HERC4: variants seen among roughly 807,000 people sequenced by gnomAD.
HERC4 encodes the protein probable E3 ubiquitin-protein ligase HERC4.
HERC4 carries 28 observed loss-of-function variants against 124.3 expected under a neutral mutation model. That is an observed-to-expected ratio of 0.23 (90% confidence interval 0.17 to 0.31). The LOEUF is 0.31. Among genes scored for constraint, HERC4 ranks in the 10% least tolerant of loss-of-function variants. The pLI is 1.00. For synonymous variants in HERC4, 407 were observed against 421.5 expected, an observed-to-expected ratio of 0.97 and a Z score of 0.42; for missense variants, 713 against 1,229.3, an observed-to-expected ratio of 0.58 and a Z score of 6.28.
intron 3 of HERC4, among the ~76,000 whole-genome samples, chr10:68,061,277 T>C (rs752175825): frequency 2.0e-5 from 3 of 152,044 alleles, no homozygotes; most frequent in Admixed American, 6.6e-5. Flanking sequence ...TAATTAAGAA[T>C]AGGTTTGACA....
intron 23 of HERC4, 49 bp downstream of exon 23, chr10:67,932,538 CAAGATTTCCA>C: frequency 2.8e-6 from 4 of 1,443,428 alleles, no homozygotes; most frequent in Non-Finnish European, 3.8e-6. Context: ...CATAAAAAGG[CAAGATTTCCA>C]TATATAAATC....
chr10:68,018,487 G>A (rs183826172), intron 8 of HERC4, among the ~76,000 whole-genome samples: 7 of 152,174 alleles, frequency 4.6e-5, no homozygotes, highest in Admixed American at 3.9e-4. Flanking sequence ...CATTATAATG[G>A]TGTCCTAAAC....
intron 3 of HERC4, among the ~76,000 whole-genome samples, chr10:68,059,522 A>ATT (rs2040753608): frequency 5.0e-5 from 4 of 80,664 alleles, no homozygotes; most frequent in Admixed American, 1.7e-4. Context: ...TATATATCAT[A>ATT]ATAATATTAT....
Position 67,940,947 on chromosome 10 carries a change from A to G in HERC4, c.2496T>C (p.Asp832=). 1.9e-6 allele frequency: 3 copies of G among 1,609,744 alleles called. No homozygotes were observed. The highest frequency in any genetic ancestry group is 1.1e-5 in the South Asian group (1 of 89,434). Reference sequence around the variant, plus strand: ...TTTTTTTTCCAACTAACCTCCCAACATCAGGCATTAGTTCTTTCAAATCAT... The same window carrying G: ...TTTTTTTTCCAACTAACCTCCCAACGTCAGGCATTAGTTCTTTCAAATCAT... ...SLDDLKELMP[D]VGRSMQQLLD... Residue 832 remains aspartate (D), a synonymous_variant, in exon 20 of 25, where the codon GAT becomes GAC. Transcript: ENST00000373700.
At position 68,014,108 on chromosome 10, in the gene HERC4, G is replaced by T. The variant is rs368232102; in HGVS notation, c.987C>A (p.Thr329=). 10 of 1,613,466 alleles carry T rather than the reference G, an allele frequency of 6.2e-6. No individual in the cohort carries two copies. Among genetic ancestry groups the T allele is most frequent in the Non-Finnish European group, 8.5e-6 (10 of 1,179,760 alleles). The change falls in exon 9 of 25, where the codon ACC becomes ACA. Residue 329 remains threonine, a synonymous_variant. Coordinates refer to ENST00000373700, the MANE Select transcript of HERC4 (RefSeq NM_015601.4). ...GGCTTTTCCTGTTGCTTGTTGAACC[G>T]GTTCCCAGCTGCCCATTACCACCAA... ...FGLGGNGQLG[T]GSTSNRKSPF...
chr10:67,931,560 G>C (rs2031812824), intron 23 of HERC4, among the ~76,000 whole-genome samples: 1 of 151,928 alleles, frequency 6.6e-6, no homozygotes, highest in South Asian at 2.1e-4. Flanking sequence ...AAGTAGCTGG[G>C]ATTACAGGTG....
intron 9 of HERC4, among the ~76,000 whole-genome samples, chr10:68,002,598 ACT>A (rs2037296809): frequency 7.5e-6 from 1 of 133,260 alleles, no homozygotes; most frequent in African/African-American, 2.5e-5. Flanking sequence ...TTAAATTTTT[ACT>A]TTTTTTTTTT....
At position 67,940,877 on chromosome 10, in the gene HERC4, G is replaced by A; in HGVS notation, c.2504+62C>T. 15 of 1,366,782 alleles carry A rather than the reference G, an allele frequency of 1.1e-5. No homozygotes were observed. In the South Asian group the frequency reaches 2.1e-4, roughly 19 times the overall value. 84.7% of individuals were successfully genotyped at this position (1,366,782 alleles called of 1,614,324 possible). ...TTTTTTCATAGAAGGAAAGCTTTCT[G>A]TACCTTCCCCACTTTTTACCTCCCA... is the stretch of plus-strand genomic sequence containing the variant. On this transcript the variant is annotated intron_variant, in intron 20 of 24. Transcript: ENST00000373700.
intron 21 of HERC4, among the ~76,000 whole-genome samples, chr10:67,938,351 G>A (rs1564928149): frequency 6.6e-6 from 1 of 150,980 alleles, no homozygotes; most frequent in Non-Finnish European, 1.5e-5. Context: ...TGAGGCAGGA[G>A]AATTGCTTGA....
chr10:68,010,710 G>T, intron 9 of HERC4: 1 of 1,484,054 alleles, frequency 6.7e-7, no homozygotes, highest in East Asian at 2.3e-5. Flanking sequence ...AAGCTAAGCT[G>T]TTGAGCCTCA....
intron 3 of HERC4, among the ~76,000 whole-genome samples, chr10:68,065,871 CAATAA>C (rs2041275158): frequency 6.6e-6 from 1 of 151,784 alleles, no homozygotes; most frequent in Non-Finnish European, 1.5e-5. Context: ...AACAAAACTC[CAATAA>C]AATGTCTGTA....
intron 15 of HERC4, among the ~76,000 whole-genome samples, chr10:67,982,679 TG>T (rs2036002652): frequency 6.6e-6 from 1 of 151,962 alleles, no homozygotes; most frequent in Non-Finnish European, 1.5e-5. Context: ...ACAAACAGAA[TG>T]GGAGGAAATA....
intron 23 of HERC4, among the ~76,000 whole-genome samples, chr10:67,931,301 G>A (rs2031780094): frequency 6.6e-6 from 1 of 151,896 alleles, no homozygotes; most frequent in Non-Finnish European, 1.5e-5. Context: ...TCTATTAAAT[G>A]TTTATCAGAA....
chr10:68,010,500 T>C, intron 9 of HERC4: 1 of 963,430 alleles, frequency 1.0e-6, no homozygotes, highest in South Asian at 1.4e-5. Context: ...CCCAAGCTGC[T>C]GGGCAATGTG....
intron 3 of HERC4, among the ~76,000 whole-genome samples, chr10:68,063,398 C>CG (rs1430219123): frequency 3.9e-5 from 6 of 151,920 alleles, no homozygotes; most frequent in African/African-American, 7.3e-5. Flanking sequence ...TTAGTAGAGA[C>CG]GGGGTCTCAC....
At chr10:68,053,395 C>T (rs1235777674) in intron 3 of HERC4, among the ~76,000 whole-genome samples, 1 of 151,844 alleles carries the variant, frequency 6.6e-6, no homozygotes, top group Admixed American at 6.6e-5. Context: ...CAGCAACCTC[C>T]CAGGCTCAGG....
At chr10:67,949,345 T>A (rs989535224) in intron 19 of HERC4, among the ~76,000 whole-genome samples, 2 of 151,910 alleles carry the variant, frequency 1.3e-5, no homozygotes, top group African/African-American at 4.8e-5. Context: ...AGGATCAGAT[T>A]CTACCAAACA....
chr10:67,978,745 C>T (rs148452741), intron 15 of HERC4, among the ~76,000 whole-genome samples: 1 of 152,318 alleles, frequency 6.6e-6, no homozygotes, highest in East Asian at 1.9e-4. Context: ...GCTTGTGTCA[C>T]TCCACCCCCA....
intron 8 of HERC4, among the ~76,000 whole-genome samples, chr10:68,018,673 T>A (rs1316397992): frequency 6.6e-6 from 1 of 152,154 alleles, no homozygotes; most frequent in East Asian, 1.9e-4. Flanking sequence ...TGCCAGTGAT[T>A]CCTCAGAAAG....
Sources: gnomAD v4.1 joint callset for allele counts (sites outside exome capture counted in the v4.1 genomes callset) on GRCh38, gnomAD v4.1.1 for gene constraint, MANE v1.5 for transcripts, NCBI Gene and HGNC (gene_info 2026-07-23, HGNC 2026-07-21) for gene names.